The following DMD variants were observed in gnomAD, a reference collection of about 807,000 sequenced individuals.
DMD encodes the protein mutant dystrophin.
A neutral mutation model predicts 330.1 loss-of-function variants in DMD; 63 were observed. That is an observed-to-expected ratio of 0.19 (90% CI 0.16 to 0.24). The LOEUF (loss-of-function observed/expected upper bound fraction) is 0.24, where lower values mean the gene tolerates loss of function less well. Ranked by LOEUF, DMD falls within the 10% of genes least tolerant of loss-of-function variation. The probability of loss-of-function intolerance (pLI) is 1.00; values close to 1 mark genes in which losing one functional copy is unlikely to be tolerated. For missense variants in DMD, 3,344 were observed against 2,684.1 expected (o/e 1.25, Z -5.43); for synonymous variants, 1,223 against 959.8 (o/e 1.27, Z -5.07).
intron 42 of DMD, among the ~76,000 whole-genome samples, chrX:32,288,301 G>T (rs1255482795): frequency 9.0e-6 from 1 of 111,335 alleles, no homozygotes; most frequent in Non-Finnish European, 1.9e-5. Flanking sequence ...GATTTCAATT[G>T]AATTATAGTA....
chrX:33,117,490 G>A (rs143890221), intron 1 of DMD, among the ~76,000 whole-genome samples: 2 of 111,238 alleles, frequency 1.8e-5, no homozygotes, highest in East Asian at 2.8e-4. Flanking sequence ...ATACCCAATC[G>A]CCATTTGTCA....
intron 2 of DMD, among the ~76,000 whole-genome samples, chrX:32,955,631 G>GT (rs1362339479): frequency 9.0e-6 from 1 of 111,437 alleles, no homozygotes; most frequent in East Asian, 2.8e-4. Context: ...GTCCTAAATG[G>GT]TATTGCCCGG....
At chrX:31,377,951 T>TC (rs2059963946) in intron 60 of DMD, among the ~76,000 whole-genome samples, 1 of 109,815 alleles carries the variant, frequency 9.1e-6, no homozygotes, top group Non-Finnish European at 1.9e-5. Flanking sequence ...TCAAAAAGCT[T>TC]CCCCACTGAG....
At chrX:32,413,306 A>G (rs1047211869) in intron 29 of DMD, among the ~76,000 whole-genome samples, 1 of 110,740 alleles carries the variant, frequency 9.0e-6, no homozygotes, top group Non-Finnish European at 1.9e-5. Context: ...CTTCTCACCT[A>G]CTTCTCAACT....
At chrX:32,459,701 G>T (rs1365674411) in intron 25 of DMD, among the ~76,000 whole-genome samples, 1 of 111,030 alleles carries the variant, frequency 9.0e-6, no homozygotes, top group African/African-American at 3.3e-5. Flanking sequence ...AAAACACTTT[G>T]ATTCTTCCCT....
rs757893809 is a variant in DMD at position 32,801,335 on chromosome X, G to C, written c.649+8158C>G. Among the ~76,000 whole-genome samples, 52 of 111,487 alleles carry C rather than the reference G, an allele frequency of 4.7e-4. No individual in the cohort carries two copies. The South Asian group carries it at 0.019, about 41-fold the overall frequency. On this transcript the variant is annotated intron_variant, in intron 7 of 78. Coordinates refer to ENST00000357033, the MANE Select transcript of DMD (RefSeq NM_004006.3). ...CACATAAATGTCTTCTTTGAGAAGG[G>C]TCTGTTCATACCCTTTGCCTACTTT...
chrX:31,250,276 A>G (rs1266258139), intron 63 of DMD, among the ~76,000 whole-genome samples: 1 of 111,528 alleles, frequency 9.0e-6, no homozygotes, highest in Admixed American at 9.6e-5. Flanking sequence ...GAGACATTAA[A>G]CTAGGCAGCA....
chrX:32,819,267 C>T (rs2078023281), intron 5 of DMD, among the ~76,000 whole-genome samples: 1 of 110,825 alleles, frequency 9.0e-6, no homozygotes, highest in African/African-American at 3.3e-5. Flanking sequence ...GCAGTGCGAA[C>T]GTCATCATTC....
At chrX:33,001,595 A>C (rs1046913981) in intron 2 of DMD, among the ~76,000 whole-genome samples, 14 of 111,701 alleles carry the variant, frequency 1.3e-4, no homozygotes, top group East Asian at 1.1e-3. Flanking sequence ...GTTTCTTTAC[A>C]ACTTTTTTGT....
upstream of DMD, among the ~76,000 whole-genome samples, chrX:33,214,481 CTTTAA>C (rs1293410748): frequency 1.8e-5 from 2 of 111,364 alleles, no homozygotes; most frequent in African/African-American, 6.5e-5. Flanking sequence ...TTTAGGTTAT[CTTTAA>C]TTTATTTCAT....
At chrX:32,904,180 T>A (rs2086539312) in intron 2 of DMD, among the ~76,000 whole-genome samples, 1 of 112,267 alleles carries the variant, frequency 8.9e-6, no homozygotes, top group Non-Finnish European at 1.9e-5. Context: ...AGAATTTATA[T>A]GTAATCTTTT....
At chrX:31,130,464 C>T (rs2034339900) in intron 77 of DMD, among the ~76,000 whole-genome samples, 1 of 111,782 alleles carries the variant, frequency 8.9e-6, no homozygotes, top group African/African-American at 3.2e-5. Context: ...ATACACTGAG[C>T]CACTCAAATC....
At chrX:32,644,752 C>T (rs902804155) in intron 10 of DMD, among the ~76,000 whole-genome samples, 6 of 110,924 alleles carry the variant, frequency 5.4e-5, no homozygotes, top group Admixed American at 2.9e-4. Flanking sequence ...AGAAGTTGGG[C>T]TTTCGTATTC....
chrX:32,833,008 C>T (rs1336145039), intron 4 of DMD, among the ~76,000 whole-genome samples: 1 of 111,675 alleles, frequency 9.0e-6, no homozygotes, highest in Non-Finnish European at 1.9e-5. Flanking sequence ...TGGGTACTCA[C>T]TACAAAGATA....
intron 45 of DMD, among the ~76,000 whole-genome samples, chrX:31,951,171 A>G (rs988424795): frequency 2.4e-4 from 22 of 93,292 alleles, no homozygotes; most frequent in African/African-American, 8.5e-4. Context: ...ATATATATAT[A>G]TATGTATATA....
chrX:32,688,752 A>G lies in DMD; in HGVS notation c.960+9118T>C, dbSNP rs146905976. Among the ~76,000 whole-genome samples the G allele has an allele frequency of 6.9e-4, 77 of 111,945 alleles. No homozygotes were observed. In the East Asian group the frequency reaches 0.014, roughly 21 times the overall value. On this transcript the variant is annotated intron_variant, in intron 9 of 78. Coordinates refer to ENST00000357033, the MANE Select transcript of DMD (RefSeq NM_004006.3). The stretch of plus-strand genomic sequence containing the variant: ...CTGTTTTCATCTTAATATCTTAGCT[A>G]TGGAATATTCCTTAATGTTCTTCGA...
At chrX:32,153,314 T>G (rs1424971736) in intron 44 of DMD, among the ~76,000 whole-genome samples, 1 of 111,971 alleles carries the variant, frequency 8.9e-6, no homozygotes, top group Non-Finnish European at 1.9e-5. Context: ...TTAAGTGTTA[T>G]TTTTTACCAA....
At chrX:32,669,714 G>GT (rs1292809553) in intron 9 of DMD, among the ~76,000 whole-genome samples, 6 of 110,407 alleles carry the variant, frequency 5.4e-5, no homozygotes, top group African/African-American at 9.9e-5. Flanking sequence ...GCCCTTTTTG[G>GT]TTTTTTTTGG....
At chrX:32,665,130 A>C (rs2061222774) in intron 9 of DMD, among the ~76,000 whole-genome samples, 1 of 112,358 alleles carries the variant, frequency 8.9e-6, no homozygotes, top group African/African-American at 3.2e-5. Context: ...ATGTTTGTTG[A>C]ACAAATTATG....
Sources: gnomAD v4.1 joint callset for allele counts (sites outside exome capture counted in the v4.1 genomes callset) on GRCh38, gnomAD v4.1.1 for gene constraint, MANE v1.5 for transcripts, NCBI Gene and HGNC (gene_info 2026-07-23, HGNC 2026-07-21) for gene names.